Variants in LEKR1 observed in about 807,000 individuals in gnomAD.
The protein encoded by LEKR1 is leucine, glutamate and lysine rich 1.
In LEKR1, 59 loss-of-function variants were observed where a neutral mutation model predicts 72.4. The observed-to-expected ratio is 0.82, with a 90% confidence interval of 0.66 to 1.01. The LOEUF is 1.01. Ranked by LOEUF, LEKR1 falls within the 50% of genes least tolerant of loss-of-function variation. The pLI, the probability that LEKR1 is intolerant of heterozygous loss-of-function variation, is 0.00. For synonymous variants in LEKR1, 257 were observed against 263.2 expected, an observed-to-expected ratio of 0.98 and a Z score of 0.23; for missense variants, 728 against 759.2, an observed-to-expected ratio of 0.96 and a Z score of 0.48.
chr3:157,008,071 T>C (rs953390497), intron 9 of LEKR1, among the ~76,000 whole-genome samples: 1 of 152,210 alleles, frequency 6.6e-6, no homozygotes, highest in African/African-American at 2.4e-5. Context: ...CATTCTTTAT[T>C]CCTTTCTCTT....
intron 2 of LEKR1, among the ~76,000 whole-genome samples, chr3:156,846,451 T>G (rs560240492): frequency 8.0e-6 from 1 of 124,758 alleles, no homozygotes; most frequent in East Asian, 2.0e-4. Context: ...AGCTGTAGGG[T>G]TTTTTTTTTT....
intron 4 of LEKR1, 51 bp downstream of exon 4, chr3:156,920,745 C>G: frequency 9.7e-7 from 1 of 1,029,878 alleles, no homozygotes; most frequent in Non-Finnish European, 1.4e-6. Context: ...ATGCTTAATA[C>G]TAACTTTGTA....
In LEKR1 at chr3:156,838,598, A is replaced by G. The variant is rs150000398; in HGVS notation, c.48+9221A>G. The stretch of plus-strand genomic sequence containing the variant: ...AAGGAAGAAGGTTCTGACCGTGCTT[A>G]GAATACTCAGCAGACCAGTTTAAAG... On this transcript the variant is annotated intron_variant, in intron 2 of 12. Transcript: ENST00000356539. Among the ~76,000 whole-genome samples the G allele has an allele frequency of 6.5e-4, 99 of 152,352 alleles. No homozygotes were observed. In the East Asian group the frequency reaches 0.013, roughly 20 times the overall value.
intron 3 of LEKR1, among the ~76,000 whole-genome samples, chr3:156,862,696 T>A (rs1716903518): frequency 6.6e-6 from 1 of 152,088 alleles, no homozygotes; most frequent in South Asian, 2.1e-4. Context: ...ATTGACTAAT[T>A]TCACAAAGGA....
intron 3 of LEKR1, among the ~76,000 whole-genome samples, chr3:156,881,350 C>T (rs994842288): frequency 6.6e-6 from 1 of 151,950 alleles, no homozygotes; most frequent in African/African-American, 2.4e-5. Flanking sequence ...TTCTTATACA[C>T]CAATAACAGA....
intron 2 of LEKR1, among the ~76,000 whole-genome samples, chr3:156,840,279 T>C (rs2108531843): frequency 6.6e-6 from 1 of 152,286 alleles, no homozygotes; most frequent in South Asian, 2.1e-4. Context: ...ACCCCTAATG[T>C]CCATGTTGTT....
chr3:156,840,361 TC>T lies in LEKR1; in HGVS notation c.48+10987del, dbSNP rs137915220. ...TTCTTTAGTTTTTATGCTGTTCTCT[TC>T]CCTGTTAGTTCACATCTGTACCCAG... On this transcript the variant is annotated intron_variant, in intron 2 of 12. Transcript: ENST00000356539. 4.0e-4 allele frequency among the ~76,000 whole-genome samples: 61 copies of T among 152,324 alleles called. No homozygotes were observed. The East Asian group carries it at 9.6e-3, about 24-fold the overall frequency.
chr3:156,921,690 C>T (rs1724211459), intron 4 of LEKR1, among the ~76,000 whole-genome samples: 1 of 152,186 alleles, frequency 6.6e-6, no homozygotes, highest in East Asian at 1.9e-4. Flanking sequence ...TCATTTTTGG[C>T]TTCTGTAATA....
chr3:156,863,449 A>G (rs1716986970), intron 3 of LEKR1, among the ~76,000 whole-genome samples: 1 of 152,222 alleles, frequency 6.6e-6, no homozygotes, highest in East Asian at 1.9e-4. Context: ...CAAACAAGTC[A>G]GATCATGTTA....
chr3:156,910,096 G>A (rs1722963325), intron 3 of LEKR1, among the ~76,000 whole-genome samples: 1 of 152,052 alleles, frequency 6.6e-6, no homozygotes, highest in Admixed American at 6.5e-5. Flanking sequence ...GAAAAAAGAG[G>A]ATTCCTTAAA....
At chr3:156,925,430 C>T (rs909935200) in intron 4 of LEKR1, among the ~76,000 whole-genome samples, 1 of 151,232 alleles carries the variant, frequency 6.6e-6, no homozygotes, top group Non-Finnish European at 1.5e-5. Flanking sequence ...CCCTTAAATC[C>T]TTTGGACTTC....
intron 3 of LEKR1, among the ~76,000 whole-genome samples, chr3:156,874,879 T>C (rs1266002506): frequency 6.6e-6 from 1 of 152,228 alleles, no homozygotes; most frequent in African/African-American, 2.4e-5. Flanking sequence ...TTCCTTTTTA[T>C]GGCTGAGTCA....
At chr3:156,896,850 T>C (rs1433084515) in intron 3 of LEKR1, among the ~76,000 whole-genome samples, 1 of 152,178 alleles carries the variant, frequency 6.6e-6, no homozygotes, top group Non-Finnish European at 1.5e-5. Context: ...TTATACACCA[T>C]GGAATACTAC....
intron 6 of LEKR1, among the ~76,000 whole-genome samples, chr3:156,974,788 A>G (rs1729545815): frequency 1.3e-5 from 2 of 152,188 alleles, no homozygotes; most frequent in South Asian, 2.1e-4. Context: ...CCCATCATCC[A>G]TAGTTAACAA....
At chr3:156,940,362 A>G (rs982571800) in intron 5 of LEKR1, among the ~76,000 whole-genome samples, 4 of 152,162 alleles carry the variant, frequency 2.6e-5, no homozygotes, top group Non-Finnish European at 5.9e-5. Flanking sequence ...ATTTCTGCAC[A>G]GAGGTAACAT....
At chr3:156,851,698 G>A (rs1019804213) in intron 2 of LEKR1, among the ~76,000 whole-genome samples, 5 of 151,378 alleles carry the variant, frequency 3.3e-5, no homozygotes, top group Admixed American at 1.3e-4. Context: ...TCTTCCAGTT[G>A]ACATTTGTGT....
chr3:156,923,330 A>G (rs939004904), intron 4 of LEKR1, among the ~76,000 whole-genome samples: 6 of 152,220 alleles, frequency 3.9e-5, no homozygotes, highest in South Asian at 4.1e-4. Flanking sequence ...GCCATCTTCA[A>G]TCAATCTCTG....
chr3:156,901,477 G>T (rs1413014234), intron 3 of LEKR1, among the ~76,000 whole-genome samples: 1 of 152,096 alleles, frequency 6.6e-6, no homozygotes, highest in African/African-American at 2.4e-5. Context: ...GCCAGTTATG[G>T]TATCATGTAC....
intron 2 of LEKR1, among the ~76,000 whole-genome samples, chr3:156,836,787 A>T (rs1713200289): frequency 6.6e-6 from 1 of 152,220 alleles, no homozygotes; most frequent in African/African-American, 2.4e-5. Context: ...GTCCATGGAG[A>T]AGAAAAGAAT....
Sources: allele counts gnomAD v4.1 joint callset (sites outside exome capture counted in the v4.1 genomes callset), GRCh38; gene constraint gnomAD v4.1.1; transcripts MANE v1.5; gene names NCBI Gene and HGNC (gene_info 2026-07-23, HGNC 2026-07-21).